The following SAP30BP variants were observed in gnomAD, a reference collection of about 807,000 sequenced individuals.
SAP30BP encodes SAP30 binding protein.
Under a neutral mutation model 46.3 loss-of-function variants are expected in SAP30BP, and 31 were observed. The ratio of observed to expected loss-of-function variants is 0.67; its 90% confidence interval spans 0.50 to 0.90. The LOEUF (loss-of-function observed/expected upper bound fraction) is 0.90. SAP30BP is among the 40% of genes least tolerant of loss of function. SAP30BP has a pLI of 0.00. For synonymous variants in SAP30BP, 169 were observed against 144.2 expected, an observed-to-expected ratio of 1.17 and a Z score of -1.23; for missense variants, 312 against 391.0, an observed-to-expected ratio of 0.80 and a Z score of 1.70.
At chr17:75,684,436 G>C (rs2060128178) in intron 3 of SAP30BP, 1 of 152,188 alleles carries the variant, frequency 6.6e-6, no homozygotes, top group African/African-American at 2.4e-5. Flanking sequence ...GTGCTGATTA[G>C]AAGGGAACAA....
chr17:75,669,490 G>A (rs1430493792), intron 2 of SAP30BP, among the ~76,000 whole-genome samples: 1 of 152,012 alleles, frequency 6.6e-6, no homozygotes, highest in Non-Finnish European at 1.5e-5. Flanking sequence ...TGATCCACCC[G>A]CCTCATCCTT....
intron 3 of SAP30BP, among the ~76,000 whole-genome samples, chr17:75,685,818 G>A (rs967259134): frequency 1.3e-5 from 2 of 152,164 alleles, no homozygotes; most frequent in Admixed American, 1.3e-4. Flanking sequence ...GATCCTTGGT[G>A]TGAGGCAAAC....
intron 1 of SAP30BP, 57 bp downstream of exon 1, chr17:75,667,535 A>T: frequency 6.7e-7 from 1 of 1,500,604 alleles, no homozygotes; most frequent in Non-Finnish European, 9.3e-7. Context: ...GGAATGCTGT[A>T]CCCTCGCTGG....
intron 3 of SAP30BP, among the ~76,000 whole-genome samples, chr17:75,673,865 G>A (rs2059943476): frequency 6.6e-6 from 1 of 152,150 alleles, no homozygotes; most frequent in South Asian, 2.1e-4. Flanking sequence ...CGTCATTCCT[G>A]CCTGCTCCTT....
At chr17:75,704,910 C>G (rs2060471531) in intron 9 of SAP30BP, 96 bp downstream of exon 9, 1 of 959,018 alleles carries the variant, frequency 1.0e-6, no homozygotes, top group African/African-American at 1.6e-5. Flanking sequence ...GCCCCCAACC[C>G]TGGCCCCGTG....
intron 3 of SAP30BP, among the ~76,000 whole-genome samples, chr17:75,678,677 C>T (rs2060029215): frequency 6.6e-6 from 1 of 152,112 alleles, no homozygotes; most frequent in African/African-American, 2.4e-5. Context: ...TTTGGAAGAG[C>T]AGATTCCATG....
chr17:75,694,406 T>C (rs906083326), intron 4 of SAP30BP, among the ~76,000 whole-genome samples: 6 of 152,334 alleles, frequency 3.9e-5, no homozygotes, highest in African/African-American at 1.4e-4. Context: ...GAAGAAGGAT[T>C]GGGTGGGAAC....
chr17:75,678,882 A>G (rs1475716470), intron 3 of SAP30BP, among the ~76,000 whole-genome samples: 1 of 152,154 alleles, frequency 6.6e-6, no homozygotes, highest in South Asian at 2.1e-4. Context: ...AGAATTCCAC[A>G]GAAGTTTACC....
At chr17:75,668,290 G>A (rs1013348842) in intron 1 of SAP30BP, 1 of 485,696 alleles carries the variant, frequency 2.1e-6, no homozygotes, top group South Asian at 3.5e-5. Context: ...ACAGAATTTA[G>A]TACTCGGTTT....
intron 3 of SAP30BP, among the ~76,000 whole-genome samples, chr17:75,681,762 A>G (rs1210363158): frequency 6.6e-6 from 1 of 152,208 alleles, no homozygotes; most frequent in Non-Finnish European, 1.5e-5. Flanking sequence ...GGCTCCTGGT[A>G]TATTCGCTGC....
At chr17:75,674,697 G>GTTTTTTTTTTTTTTT (rs66721865) in intron 3 of SAP30BP, among the ~76,000 whole-genome samples, 30 of 61,550 alleles carry the variant, frequency 4.9e-4, no homozygotes, top group Admixed American at 6.3e-4. Flanking sequence ...TTTGTTTTTT[G>GTTTTTTTTTTTTTTT]TTTTTTTTTT....
intron 4 of SAP30BP, among the ~76,000 whole-genome samples, chr17:75,697,811 A>T (rs1458285755): frequency 6.6e-6 from 1 of 152,114 alleles, no homozygotes; most frequent in Non-Finnish European, 1.5e-5. Context: ...TGTGTTCTTT[A>T]CAGTAACTGA....
intron 6 of SAP30BP, chr17:75,702,957 T>G: frequency 2.8e-6 from 1 of 358,452 alleles, no homozygotes; most frequent in Non-Finnish European, 5.2e-6. Flanking sequence ...GTGAGAGGTC[T>G]TAGGACCAGA....
intron 3 of SAP30BP, 108 bp downstream of exon 3, chr17:75,671,971 A>G: frequency 1.1e-6 from 1 of 885,262 alleles, no homozygotes; most frequent in Non-Finnish European, 1.9e-6. Context: ...AAACTGTGCA[A>G]CTGTGTGGAC....
At chr17:75,677,994 A>G (rs1244996963) in intron 3 of SAP30BP, among the ~76,000 whole-genome samples, 1 of 152,058 alleles carries the variant, frequency 6.6e-6, no homozygotes, top group Admixed American at 6.6e-5. Context: ...TATTGCTCTG[A>G]AAATGTCCGT....
chr17:75,686,889 C>G (rs1314525148), intron 3 of SAP30BP, among the ~76,000 whole-genome samples: 1 of 152,214 alleles, frequency 6.6e-6, no homozygotes, highest in African/African-American at 2.4e-5. Context: ...ATGTCTCTGT[C>G]AAACCAACAT....
At chr17:75,697,416 G>A (rs1031257564) in intron 4 of SAP30BP, among the ~76,000 whole-genome samples, 53 of 152,316 alleles carry the variant, frequency 3.5e-4, no homozygotes, top group Non-Finnish European at 5.9e-4. Flanking sequence ...GGAAGTTAGA[G>A]GAGACTTGAA....
chr17:75,682,015 C>T (rs982270801), intron 3 of SAP30BP, among the ~76,000 whole-genome samples: 2 of 151,852 alleles, frequency 1.3e-5, no homozygotes, highest in African/African-American at 4.8e-5. Flanking sequence ...AACTTGAGCT[C>T]TCAGAGCTTA....
rs112814755 is a variant in SAP30BP, at chr17:75,674,542, C to T, written c.264+2679C>T. On this transcript the variant is annotated intron_variant, in intron 3 of 10. Coordinates refer to ENST00000584667, the MANE Select transcript of SAP30BP (RefSeq NM_013260.8). ...AACTCATGGCCTCAAGTGATAGGCC[C>T]GCCTCTGCCTCCCAAAGTGCTGGGA... is the stretch of plus-strand genomic sequence containing the variant. 3.4e-3 allele frequency among the ~76,000 whole-genome samples: 512 copies of T among 152,008 alleles called. 2 individuals carry two copies. The highest frequency in any genetic ancestry group is 0.012 in the African/African-American group (492 of 41,458).
Sources: gnomAD v4.1 joint callset for allele counts (sites outside exome capture counted in the v4.1 genomes callset) on GRCh38, gnomAD v4.1.1 for gene constraint, MANE v1.5 for transcripts, NCBI Gene and HGNC (gene_info 2026-07-23, HGNC 2026-07-21) for gene names.